MAP2: variants seen among roughly 807,000 people sequenced by gnomAD.
The protein encoded by MAP2 is microtubule-associated protein 2.
Under a neutral mutation model 137.6 loss-of-function variants are expected in MAP2, and 14 were observed. The observed-to-expected ratio is 0.10, with a 90% CI of 0.07 to 0.16. MAP2 has a LOEUF of 0.16. Among genes scored for constraint, MAP2 ranks in the 10% least tolerant of loss-of-function variants. The probability of loss-of-function intolerance (pLI) is 1.00; values close to 1 mark genes in which losing one functional copy is unlikely to be tolerated. For missense variants in MAP2, 2,088 were observed against 2,191.5 expected (o/e 0.95, Z 0.94); for synonymous variants, 786 against 782.3 (o/e 1.00, Z -0.08).
In MAP2 at chr2:209,696,543, T is replaced by C. The variant is rs765455128; in HGVS notation, c.4182T>C (p.Asp1394=). Reference sequence around the variant, plus strand: ...GTCATGATTTGCTTTGATCCACAGATGATGATAGGAGCATCATGACAGAAC... The same window carrying C: ...GTCATGATTTGCTTTGATCCACAGACGATGATAGGAGCATCATGACAGAAC... ...DADSLWVDTQ[D]DDRSIMTEQL... Residue 1394 remains aspartate, a splice_region_variant and synonymous_variant, in exon 9 of 16, where the codon GAT becomes GAC. Transcript: ENST00000682079. 1.3e-5 allele frequency: 21 copies of C among 1,608,662 alleles called. No individual in the cohort carries two copies. In the East Asian group the frequency reaches 4.7e-4, roughly 36 times the overall value.
chr2:209,720,229 G>A (rs1175091350), intron 13 of MAP2, among the ~76,000 whole-genome samples: 1 of 152,152 alleles, frequency 6.6e-6, no homozygotes, highest in Admixed American at 6.5e-5. Flanking sequence ...GCTATAGGAA[G>A]ATGATCTGGT....
At chr2:209,701,655 G>A (rs1469351321) in intron 11 of MAP2, among the ~76,000 whole-genome samples, 6 of 151,924 alleles carry the variant, frequency 3.9e-5, no homozygotes, top group Non-Finnish European at 8.8e-5. Flanking sequence ...CTTTGATCTT[G>A]AACCTGAGGG....
intron 2 of MAP2, among the ~76,000 whole-genome samples, chr2:209,537,830 G>C (rs563510333): frequency 2.8e-4 from 42 of 152,248 alleles, no homozygotes; most frequent in South Asian, 6.2e-4. Flanking sequence ...TCAAGAAGCA[G>C]CATTGCTATG....
chr2:209,603,653 A>G (rs79313867), intron 3 of MAP2, among the ~76,000 whole-genome samples: 3,207 of 152,250 alleles, frequency 0.021, 56 homozygotes, highest in Non-Finnish European at 0.034. Flanking sequence ...GAGATTTCTC[A>G]TCTTTTTATA....
At chr2:209,441,437 C>G (rs756491459) in intron 1 of MAP2, among the ~76,000 whole-genome samples, 49 of 151,562 alleles carry the variant, frequency 3.2e-4, no homozygotes, top group Non-Finnish European at 6.5e-4. Flanking sequence ...CTGAGAATGT[C>G]TTCCACTTCA....
intron 3 of MAP2, among the ~76,000 whole-genome samples, chr2:209,585,478 C>T (rs1252818540): frequency 6.6e-6 from 1 of 152,126 alleles, no homozygotes; most frequent in African/African-American, 2.4e-5. Context: ...CTCATAATTA[C>T]ACAATCCAGA....
chr2:209,672,526 A>T (rs1279758053), intron 5 of MAP2, among the ~76,000 whole-genome samples: 2 of 151,908 alleles, frequency 1.3e-5, no homozygotes, highest in African/African-American at 4.8e-5. Flanking sequence ...ACAGATGTGG[A>T]ATCTGAAGGT....
At chr2:209,482,566 T>C (rs2057861173) in intron 1 of MAP2, among the ~76,000 whole-genome samples, 1 of 152,180 alleles carries the variant, frequency 6.6e-6, no homozygotes, top group Non-Finnish European at 1.5e-5. Flanking sequence ...TGCAAACATA[T>C]TACTGAATGA....
At chr2:209,722,462 A>G (rs1241955731) in intron 13 of MAP2, among the ~76,000 whole-genome samples, 1 of 152,216 alleles carries the variant, frequency 6.6e-6, no homozygotes, top group East Asian at 1.9e-4. Flanking sequence ...AGGTAAATTT[A>G]TTTAGAATTT....
At chr2:209,690,638 G>T (rs1196171432) in intron 7 of MAP2, 2 of 1,289,134 alleles carry the variant, frequency 1.6e-6, no homozygotes, top group Admixed American at 2.3e-5. Flanking sequence ...GGCTGAGGAA[G>T]AGAAACCTGC....
intron 14 of MAP2, among the ~76,000 whole-genome samples, chr2:209,728,870 C>T (rs2075091339): frequency 2.6e-5 from 4 of 152,128 alleles, no homozygotes; most frequent in Non-Finnish European, 4.4e-5. Context: ...TCCAGAAGAA[C>T]GCATGTGCTC....
intron 2 of MAP2, among the ~76,000 whole-genome samples, chr2:209,528,593 C>T (rs1300496099): frequency 4.6e-5 from 7 of 151,926 alleles, no homozygotes; most frequent in Admixed American, 4.6e-4. Context: ...CTTTTGAATG[C>T]TTGACTTCTA....
chr2:209,693,397 G>A lies in MAP2; in HGVS notation c.1227G>A (p.Glu409=). ...VEEHVMGKVL[E]EEKEAINQET... The stretch of plus-strand genomic sequence containing the variant: ...AACATGTTATGGGGAAAGTTTTAGA[G>A]GAAGAAAAGGAGGCCATAAATCAAG... Residue 409 remains glutamate (E), a synonymous_variant, in exon 8 of 16, where the codon GAG becomes GAA. Transcript: ENST00000682079. 1 of 1,612,018 alleles carries A rather than the reference G, an allele frequency of 6.2e-7. No homozygotes were observed. The highest frequency in any genetic ancestry group is 1.1e-5 in the South Asian group (1 of 90,496).
In MAP2 at chr2:209,733,249, A is replaced by C. The variant is rs2076006696; in HGVS notation, c.*2852A>C. 2 of 152,626 alleles carry C rather than the reference A, an allele frequency of 1.3e-5. No homozygotes were observed. The highest frequency in any genetic ancestry group is 1.3e-4 in the Admixed American group (2 of 15,272). The allele number at this position is 152,626 out of a possible 1,614,324, so 9.5% of individuals were successfully genotyped here. ...GAAATTGGATACCTCATAATGATGC[A>C]GGAAAGACCCGAGTTCATGATGAGT... On this transcript the variant is annotated 3_prime_UTR_variant, in exon 16 of 16. Transcript: ENST00000682079.
chr2:209,550,987 T>C (rs746374289), intron 2 of MAP2, among the ~76,000 whole-genome samples: 4 of 152,076 alleles, frequency 2.6e-5, no homozygotes, highest in Non-Finnish European at 4.4e-5. Context: ...CATCCCAATT[T>C]CATTTTTGTT....
chr2:209,614,617 A>G (rs1232172427), intron 3 of MAP2, among the ~76,000 whole-genome samples: 1 of 152,206 alleles, frequency 6.6e-6, no homozygotes, highest in Non-Finnish European at 1.5e-5. Context: ...TGAGCCAGTA[A>G]GTAATATTCT....
intron 4 of MAP2, among the ~76,000 whole-genome samples, chr2:209,638,749 T>C (rs1053353488): frequency 6.6e-5 from 10 of 152,180 alleles, no homozygotes; most frequent in African/African-American, 2.4e-4. Context: ...ATTTACTGTG[T>C]TATAATGTAT....
chr2:209,643,710 A>G (rs932939370), intron 4 of MAP2, among the ~76,000 whole-genome samples: 1 of 152,112 alleles, frequency 6.6e-6, no homozygotes, highest in Non-Finnish European at 1.5e-5. Flanking sequence ...TTAACCATGG[A>G]CAATTGGTAA....
At chr2:209,476,433 A>G (rs1415592413) in intron 1 of MAP2, among the ~76,000 whole-genome samples, 1 of 147,782 alleles carries the variant, frequency 6.8e-6, no homozygotes. Context: ...CTATACGTAT[A>G]ATTCAGGCTG....
Sources: gnomAD v4.1 joint callset for allele counts (sites outside exome capture counted in the v4.1 genomes callset) on GRCh38, gnomAD v4.1.1 for gene constraint, MANE v1.5 for transcripts, NCBI Gene and HGNC (gene_info 2026-07-23, HGNC 2026-07-21) for gene names.